CEP135: variants seen among roughly 807,000 people sequenced by gnomAD.
The protein encoded by CEP135 is centrosomal protein of 135 kDa.
CEP135 carries 142 observed loss-of-function variants against 157.3 expected under a neutral mutation model. The ratio of observed to expected loss-of-function variants is 0.90; its 90% CI spans 0.79 to 1.04. The LOEUF (loss-of-function observed/expected upper bound fraction) is 1.04, where lower values mean the gene tolerates loss of function less well. CEP135 is among the 50% of genes least tolerant of loss of function. The probability of loss-of-function intolerance (pLI) is 0.00; values close to 1 mark genes in which losing one functional copy is unlikely to be tolerated. For missense variants in CEP135, 1,317 were observed against 1,309.2 expected (o/e 1.01, Z -0.09); for synonymous variants, 396 against 439.8 (o/e 0.90, Z 1.25).
Position 55,953,235 on chromosome 4 carries a change from G to A in CEP135, c.264G>A (p.Glu88=). 1 of 1,573,936 alleles carries A rather than the reference G, an allele frequency of 6.4e-7. No homozygotes were observed. The highest frequency in any genetic ancestry group is 8.6e-7 in the Non-Finnish European group (1 of 1,165,784). Residue 88 remains glutamate, a synonymous_variant, in exon 3 of 26, where the codon GAG becomes GAA. Coordinates refer to ENST00000257287, the MANE Select transcript of CEP135 (RefSeq NM_025009.5). The part of the protein sequence containing the change: ...LSRENNELYL[E]LMKLREHSDQ... ...GAGAAAATAATGAATTATACCTAGA[G>A]TTAATGAAACTGAGAGAACATTCAG...
At chr4:55,998,513 T>C (rs374260784) in intron 15 of CEP135, among the ~76,000 whole-genome samples, 10 of 152,338 alleles carry the variant, frequency 6.6e-5, no homozygotes, top group African/African-American at 2.4e-4. Context: ...TTCCCTGCTT[T>C]CTGTCACTCC....
intron 24 of CEP135, 135 bp from the exon 25 acceptor site, chr4:56,024,366 A>G: frequency 1.8e-6 from 1 of 545,434 alleles, no homozygotes; most frequent in Non-Finnish European, 3.2e-6. Context: ...AATTGTACAA[A>G]GACATAGGAT....
At chr4:56,022,734 A>G (rs1387896373) in intron 24 of CEP135, among the ~76,000 whole-genome samples, 1 of 152,158 alleles carries the variant, frequency 6.6e-6, no homozygotes. Context: ...AGAAAATAGG[A>G]TTCTTTCCAA....
At chr4:56,024,471 A>G (rs1731083076) in intron 24 of CEP135, 30 bp from the exon 25 acceptor site, 3 of 1,538,496 alleles carry the variant, frequency 1.9e-6, no homozygotes, top group Non-Finnish European at 1.8e-6. Flanking sequence ...GTGCTTGAAT[A>G]TATCTCTCTT....
intron 17 of CEP135, among the ~76,000 whole-genome samples, chr4:56,007,292 T>G (rs140885131): frequency 6.6e-6 from 1 of 152,218 alleles, no homozygotes; most frequent in Non-Finnish European, 1.5e-5. Context: ...GCCTCCTTTT[T>G]GTCACTAGAT....
At chr4:56,009,152 T>C (rs746295428) in intron 18 of CEP135, among the ~76,000 whole-genome samples, 2 of 151,960 alleles carry the variant, frequency 1.3e-5, no homozygotes, top group Non-Finnish European at 2.9e-5. Flanking sequence ...TTCAACTGTT[T>C]TTGTTGTTGT....
rs377404647 is a variant in CEP135, at chr4:55,995,758, C to G, written c.2010-3544C>G. On this transcript the variant is annotated intron_variant, in intron 15 of 25. Coordinates refer to ENST00000257287, the MANE Select transcript of CEP135 (RefSeq NM_025009.5). ...CAGCTGTAGTTTGTCAACCCCTGCT[C>G]AAGGAAAAATTGTTTCCAGCCCAGT... 4.5e-4 allele frequency among the ~76,000 whole-genome samples: 68 copies of G among 152,294 alleles called. 1 individual carries two copies. Among genetic ancestry groups the G allele is most frequent in the African/African-American group, 1.3e-3 (55 of 41,568 alleles).
chr4:56,013,607 A>ATG (rs1730667821), intron 21 of CEP135, among the ~76,000 whole-genome samples: 1 of 152,180 alleles, frequency 6.6e-6, no homozygotes, highest in Non-Finnish European at 1.5e-5. Flanking sequence ...ATTTTGTCAT[A>ATG]AAGACAGTCT....
At chr4:56,001,534 T>A (rs1312936747) in intron 17 of CEP135, among the ~76,000 whole-genome samples, 1 of 152,194 alleles carries the variant, frequency 6.6e-6, no homozygotes, top group Non-Finnish European at 1.5e-5. Context: ...CATTGTATGT[T>A]CTTGGCATCT....
At chr4:55,995,577 G>A (rs1468169049) in intron 15 of CEP135, among the ~76,000 whole-genome samples, 1 of 152,054 alleles carries the variant, frequency 6.6e-6, no homozygotes, top group Non-Finnish European at 1.5e-5. Context: ...ATGAAGTAGT[G>A]TGGTATGGAC....
At chr4:56,029,361 A>T (rs1043655882) in intron 25 of CEP135, among the ~76,000 whole-genome samples, 1 of 152,132 alleles carries the variant, frequency 6.6e-6, no homozygotes, top group Non-Finnish European at 1.5e-5. Flanking sequence ...CAGTGGCCCA[A>T]TTCTCTAATC....
intron 17 of CEP135, among the ~76,000 whole-genome samples, chr4:56,001,877 G>T (rs941430909): frequency 3.3e-5 from 5 of 152,026 alleles, no homozygotes; most frequent in African/African-American, 7.2e-5. Context: ...TTCAATCCAT[G>T]AGTATGGAAT....
chr4:55,981,245 G>A lies in CEP135; in HGVS notation c.1645G>A (p.Ala549Thr). ...LYNEAQEELSALRKESTQTTA... is the reference protein window; with the variant it reads ...LYNEAQEELSTLRKESTQTTA... ...CTTTAAGGCTCAGGAAGAATTATCT[G>A]CCCTAAGAAAGGAATCCACCCAAAC... The change falls in exon 13 of 26, where the codon GCC becomes ACC. Residue 549 changes from alanine to threonine, a missense_variant. Physicochemically the swap from Ala to Thr is moderately conservative, Grantham distance 58. Transcript: ENST00000257287. 6.3e-7 allele frequency: 1 copy of A among 1,587,088 alleles called. No homozygotes were observed. The highest frequency in any genetic ancestry group is 8.5e-7 in the Non-Finnish European group (1 of 1,172,432).
At chr4:55,954,556 T>A (rs1349712872) in intron 4 of CEP135, among the ~76,000 whole-genome samples, 173 bp downstream of exon 4, 1 of 152,218 alleles carries the variant, frequency 6.6e-6, no homozygotes, top group Non-Finnish European at 1.5e-5. Context: ...ATCCGGGTAG[T>A]AATTTATACG....
intron 21 of CEP135, among the ~76,000 whole-genome samples, chr4:56,015,298 G>A (rs1226057422): frequency 6.6e-6 from 1 of 152,204 alleles, no homozygotes; most frequent in African/African-American, 2.4e-5. Context: ...GAGCTAGTTG[G>A]CTGCAAGTTC....
chr4:56,008,404 A>G (rs781431004), intron 18 of CEP135, 22 bp downstream of exon 18: 2 of 1,586,278 alleles, frequency 1.3e-6, no homozygotes, highest in Non-Finnish European at 1.7e-6. Flanking sequence ...ATGAAATTAC[A>G]TCCAGCTTTT....
intron 11 of CEP135, among the ~76,000 whole-genome samples, chr4:55,975,980 G>T (rs1202506457): frequency 6.6e-6 from 1 of 152,108 alleles, no homozygotes; most frequent in Non-Finnish European, 1.5e-5. Flanking sequence ...AAGGCCAGGT[G>T]GTGTGGCTCC....
At chr4:55,957,075 A>T (rs980538608) in intron 4 of CEP135, 148 bp from the exon 5 acceptor site, 2 of 773,162 alleles carry the variant, frequency 2.6e-6, no homozygotes, top group African/African-American at 3.5e-5. Flanking sequence ...ATCAGGGTGG[A>T]TATTTATATA....
At chr4:56,017,616 A>G in intron 21 of CEP135, 32 bp from the exon 22 acceptor site, 1 of 1,530,788 alleles carries the variant, frequency 6.5e-7, no homozygotes, top group East Asian at 2.3e-5. Context: ...GGGTTATTTT[A>G]ACTTTTTACT....
Sources: gnomAD v4.1 joint callset for allele counts (sites outside exome capture counted in the v4.1 genomes callset) on GRCh38, gnomAD v4.1.1 for gene constraint, MANE v1.5 for transcripts, NCBI Gene and HGNC (gene_info 2026-07-23, HGNC 2026-07-21) for gene names.